The following NSMCE2 variants were observed in gnomAD, a reference collection of about 807,000 sequenced individuals.
The protein encoded by NSMCE2 is NSE2 SUMO ligase component of SMC5/6 complex, also known as E3 SUMO-protein ligase NSE2.
Under a neutral mutation model 23.8 loss-of-function variants are expected in NSMCE2, and 24 were observed. The observed-to-expected ratio is 1.01, with a 90% CI of 0.73 to 1.42. The LOEUF (loss-of-function observed/expected upper bound fraction) is 1.42. Among genes scored for constraint, NSMCE2 ranks in the 40% most tolerant of loss-of-function variants. The pLI, the probability that NSMCE2 is intolerant of heterozygous loss-of-function variation, is 0.00. For synonymous variants in NSMCE2, 92 were observed against 94.1 expected, an observed-to-expected ratio of 0.98 and a Z score of 0.13; for missense variants, 284 against 296.5, an observed-to-expected ratio of 0.96 and a Z score of 0.31.
intron 5 of NSMCE2, among the ~76,000 whole-genome samples, chr8:125,345,029 T>TAA (rs564327400): frequency 7.5e-5 from 10 of 133,242 alleles, no homozygotes; most frequent in African/African-American, 1.1e-4. Context: ...TCAACAAACT[T>TAA]AAAAAAAAAA....
chr8:125,206,943 G>A (rs1416622294), intron 5 of NSMCE2, among the ~76,000 whole-genome samples: 1 of 152,102 alleles, frequency 6.6e-6, no homozygotes, highest in Admixed American at 6.6e-5. Flanking sequence ...AGGGGAGAAG[G>A]ACCAAGGGGC....
At chr8:125,176,883 C>T (rs1403549539) in intron 4 of NSMCE2, among the ~76,000 whole-genome samples, 3 of 152,210 alleles carry the variant, frequency 2.0e-5, no homozygotes, top group Non-Finnish European at 4.4e-5. Context: ...TTCACACAGT[C>T]CTCACCACTT....
intron 5 of NSMCE2, among the ~76,000 whole-genome samples, chr8:125,339,366 G>C (rs1830162604): frequency 6.6e-6 from 1 of 152,074 alleles, no homozygotes; most frequent in Non-Finnish European, 1.5e-5. Context: ...TTTGGATTGG[G>C]GGCTCTGTCT....
At chr8:125,241,183 G>A (rs1237317382) in intron 5 of NSMCE2, among the ~76,000 whole-genome samples, 2 of 152,038 alleles carry the variant, frequency 1.3e-5, no homozygotes, top group African/African-American at 4.8e-5. Context: ...ATGGCATTTC[G>A]GATTTTGTAT....
intron 5 of NSMCE2, among the ~76,000 whole-genome samples, chr8:125,301,971 T>G (rs980612735): frequency 6.6e-6 from 1 of 151,858 alleles, no homozygotes; most frequent in Non-Finnish European, 1.5e-5. Flanking sequence ...CCCAATTTTT[T>G]TTTTTTGAGA....
At chr8:125,350,553 A>C (rs1812989275) in intron 5 of NSMCE2, among the ~76,000 whole-genome samples, 1 of 152,190 alleles carries the variant, frequency 6.6e-6, no homozygotes, top group East Asian at 1.9e-4. Context: ...GGTTTAATGG[A>C]CTTAACGTTC....
At chr8:125,225,637 T>A (rs1392563651) in intron 5 of NSMCE2, among the ~76,000 whole-genome samples, 1 of 152,238 alleles carries the variant, frequency 6.6e-6, no homozygotes, top group Admixed American at 6.5e-5. Flanking sequence ...CATTGTGCTC[T>A]GGGGTATATT....
At chr8:125,160,463 G>A (rs573404566) in intron 4 of NSMCE2, among the ~76,000 whole-genome samples, 6 of 152,246 alleles carry the variant, frequency 3.9e-5, no homozygotes, top group African/African-American at 2.4e-5. Context: ...AGGGGTTGGG[G>A]GTGGCTTGGG....
intron 3 of NSMCE2, among the ~76,000 whole-genome samples, chr8:125,117,246 G>C (rs1819048213): frequency 6.6e-6 from 1 of 151,642 alleles, no homozygotes; most frequent in African/African-American, 2.4e-5. Context: ...CTTTGAGACA[G>C]AGTCTTGCTC....
At chr8:125,241,490 C>T (rs1047827590) in intron 5 of NSMCE2, among the ~76,000 whole-genome samples, 1 of 152,124 alleles carries the variant, frequency 6.6e-6, no homozygotes, top group African/African-American at 2.4e-5. Flanking sequence ...ATATCTGGGT[C>T]GTTTGTTTTC....
chr8:125,107,144 T>A (rs570643559), intron 3 of NSMCE2, among the ~76,000 whole-genome samples: 1 of 152,188 alleles, frequency 6.6e-6, no homozygotes, highest in African/African-American at 2.4e-5. Context: ...AACCATAGTT[T>A]GTCTGTGAAT....
At chr8:125,155,327 T>A (rs960448817) in intron 4 of NSMCE2, among the ~76,000 whole-genome samples, 4 of 152,228 alleles carry the variant, frequency 2.6e-5, no homozygotes, top group Non-Finnish European at 5.9e-5. Flanking sequence ...TGTGTAACTT[T>A]TGCATGAAAT....
chr8:125,211,573 A>C (rs1157397250), intron 5 of NSMCE2, among the ~76,000 whole-genome samples: 1 of 152,228 alleles, frequency 6.6e-6, no homozygotes, highest in African/African-American at 2.4e-5. Flanking sequence ...AAGTCCACAC[A>C]AGTAGGCCTG....
At chr8:125,265,133 G>A (rs1826857830) in intron 5 of NSMCE2, among the ~76,000 whole-genome samples, 1 of 146,402 alleles carries the variant, frequency 6.8e-6, no homozygotes, top group African/African-American at 2.5e-5. Context: ...TATGCCAGCT[G>A]CAAGGTTGGA....
intron 3 of NSMCE2, among the ~76,000 whole-genome samples, chr8:125,117,475 T>C (rs1161936445): frequency 6.6e-6 from 1 of 152,232 alleles, no homozygotes; most frequent in Non-Finnish European, 1.5e-5. Context: ...TATCTCGATA[T>C]CCTGATACCA....
intron 5 of NSMCE2, among the ~76,000 whole-genome samples, chr8:125,330,337 G>A (rs1420087629): frequency 4.6e-5 from 7 of 151,694 alleles, no homozygotes; most frequent in South Asian, 2.1e-4. Flanking sequence ...CACCACACCC[G>A]GCTAATTTTT....
chr8:125,365,061 C>T (rs548589547), intron 7 of NSMCE2, among the ~76,000 whole-genome samples: 10 of 152,088 alleles, frequency 6.6e-5, no homozygotes, highest in South Asian at 2.1e-4. Flanking sequence ...GGCTTGTTTC[C>T]ACCCCTTTGT....
chr8:125,244,231 T>G (rs1357134299), intron 5 of NSMCE2, among the ~76,000 whole-genome samples: 7 of 152,122 alleles, frequency 4.6e-5, no homozygotes, highest in Admixed American at 4.6e-4. Flanking sequence ...AATGGCTGTT[T>G]TATAATTAGC....
At position 125,288,863 on chromosome 8, in the gene NSMCE2, T is replaced by C. The variant is rs2954164; in HGVS notation, c.419-68356T>C. 3.1e-3 allele frequency among the ~76,000 whole-genome samples: 466 copies of C among 152,288 alleles called. 2 individuals carry two copies. Among genetic ancestry groups the C allele is most frequent in the Middle Eastern group, 0.01 (3 of 294 alleles). The stretch of plus-strand genomic sequence containing the variant: ...TAGCTGGAGTGCAGTGGCTCGATCT[T>C]GGCTCACTGCAGCCTCAACCTCCCA... On this transcript the variant is annotated intron_variant, in intron 5 of 7. Transcript: ENST00000287437.
Sources: gnomAD v4.1 joint callset for allele counts (sites outside exome capture counted in the v4.1 genomes callset) on GRCh38, gnomAD v4.1.1 for gene constraint, MANE v1.5 for transcripts, NCBI Gene and HGNC (gene_info 2026-07-23, HGNC 2026-07-21) for gene names.